The following RBFOX1 variants were observed in gnomAD, a reference collection of about 807,000 sequenced individuals.
RBFOX1 encodes RNA binding fox-1 homolog 1.
In RBFOX1, 8 loss-of-function variants were observed where a neutral mutation model predicts 57.7. The observed-to-expected ratio is 0.14, with a 90% CI of 0.08 to 0.25. The LOEUF (loss-of-function observed/expected upper bound fraction) is 0.25. Among genes scored for constraint, RBFOX1 ranks in the 10% least tolerant of loss-of-function variants. The pLI, the probability that RBFOX1 is intolerant of heterozygous loss-of-function variation, is 1.00. For missense variants in RBFOX1, 611 were observed against 548.5 expected (o/e 1.11, Z -1.14); for synonymous variants, 326 against 222.4 (o/e 1.47, Z -4.15).
At chr16:6,134,893 G>A (rs58219101) in intron 1 of RBFOX1, among the ~76,000 whole-genome samples, 1 of 151,724 alleles carries the variant, frequency 6.6e-6, no homozygotes, top group Non-Finnish European at 1.5e-5. Flanking sequence ...TATGCACAAC[G>A]TGCAGGGTTG....
intron 2 of RBFOX1, among the ~76,000 whole-genome samples, chr16:5,544,858 A>G (rs939340184): frequency 6.6e-6 from 1 of 151,636 alleles, no homozygotes; most frequent in African/African-American, 2.4e-5. Flanking sequence ...AGGTAACCGT[A>G]TTAACCCTAT....
chr16:6,460,838 A>AAAAAAAAAAAAG, intron 2 of RBFOX1, among the ~76,000 whole-genome samples: 1 of 151,966 alleles, frequency 6.6e-6, no homozygotes, highest in Non-Finnish European at 1.5e-5. Flanking sequence ...AAAAAAAAAA[A>AAAAAAAAAAAAG]AAAGTGGAAT....
At chr16:6,653,648 G>T (rs941047804) in intron 2 of RBFOX1, among the ~76,000 whole-genome samples, 6 of 151,486 alleles carry the variant, frequency 4.0e-5, no homozygotes, top group African/African-American at 1.5e-4. Context: ...TGAATGGATG[G>T]ATGGATGAAT....
rs140892341 is a variant in RBFOX1 at position 6,637,740 on chromosome 16, T to C, written c.-63-16863T>C. Reference sequence around the variant, plus strand: ...TACAGGGTCTAGAAGAATATTGTAATACATCTACATCTCTTCAAGAACACA... The same window carrying C: ...TACAGGGTCTAGAAGAATATTGTAACACATCTACATCTCTTCAAGAACACA... On this transcript the variant is annotated intron_variant, in intron 2 of 15. Coordinates refer to ENST00000550418, the MANE Select transcript of RBFOX1 (RefSeq NM_018723.4). 4.7e-3 allele frequency among the ~76,000 whole-genome samples: 718 copies of C among 151,700 alleles called. 10 individuals are homozygous for C. Among genetic ancestry groups the C allele is most frequent in the African/African-American group, 0.016 (651 of 41,366 alleles).
In RBFOX1 at chr16:6,380,535, AGTT is replaced by A. The variant is rs1432116942; in HGVS notation, c.-64+63479_-64+63481del. Among the ~76,000 whole-genome samples, 8 of 148,972 alleles carry A rather than the reference AGTT, an allele frequency of 5.4e-5. No homozygotes were observed. In the East Asian group the frequency reaches 1.6e-3, roughly 30 times the overall value. On this transcript the variant is annotated intron_variant, in intron 2 of 15. Transcript: ENST00000550418. ...CAGCACAGAAAGGAAGGTGAGTTGA[AGTT>A]CTGGGGGGAAAATAAATGGCAGGTA...
chr16:5,801,112 C>A (rs1056120839), intron 3 of RBFOX1, among the ~76,000 whole-genome samples: 1 of 152,162 alleles, frequency 6.6e-6, no homozygotes, highest in African/African-American at 2.4e-5. Flanking sequence ...GGAAGTGGAG[C>A]TGGAAGTTCC....
chr16:5,288,912 G>T, intron 1 of RBFOX1, among the ~76,000 whole-genome samples: 1 of 152,218 alleles, frequency 6.6e-6, no homozygotes, highest in East Asian at 1.9e-4. Flanking sequence ...GGGTCATGAG[G>T]TCAGGAGATT....
At chr16:6,617,796 G>A (rs527977934) in intron 2 of RBFOX1, among the ~76,000 whole-genome samples, 1 of 152,260 alleles carries the variant, frequency 6.6e-6, no homozygotes, top group East Asian at 1.9e-4. Flanking sequence ...ATAAAGTACA[G>A]CAATTTTCTT....
intron 3 of RBFOX1, among the ~76,000 whole-genome samples, chr16:5,650,626 TAGA>T (rs2049204216): frequency 6.6e-6 from 1 of 152,162 alleles, no homozygotes; most frequent in Non-Finnish European, 1.5e-5. Flanking sequence ...GCCAGCTGCT[TAGA>T]TAAACACCAG....
chr16:6,895,472 A>ATT (rs2066634132), intron 3 of RBFOX1, among the ~76,000 whole-genome samples: 1 of 114,882 alleles, frequency 8.7e-6, no homozygotes, highest in African/African-American at 3.6e-5. Flanking sequence ...ATATATATAT[A>ATT]TATATATATA....
chr16:5,570,506 G>A (rs80050900), intron 2 of RBFOX1, among the ~76,000 whole-genome samples: 2 of 152,264 alleles, frequency 1.3e-5, no homozygotes, highest in East Asian at 3.9e-4. Flanking sequence ...AGCTGGTCAG[G>A]TCAGGTCAGC....
At chr16:7,525,389 T>C (rs2078465394) in intron 5 of RBFOX1, among the ~76,000 whole-genome samples, 1 of 152,152 alleles carries the variant, frequency 6.6e-6, no homozygotes, top group African/African-American at 2.4e-5. Context: ...ATATTTACCA[T>C]CAGGCTACAG....
intron 4 of RBFOX1, among the ~76,000 whole-genome samples, chr16:7,313,837 A>G (rs28412543): frequency 0.12 from 17,657 of 152,128 alleles, 1,219 homozygotes; most frequent in Middle Eastern, 0.19. Context: ...TAGAACCACG[A>G]TTCTGCACCA....
At chr16:6,745,178 T>A (rs11864244) in intron 3 of RBFOX1, among the ~76,000 whole-genome samples, 13,374 of 152,098 alleles carry the variant, frequency 0.088, 726 homozygotes, top group East Asian at 0.15. Context: ...ATAAATTAAA[T>A]CTGGAGTTGA....
intron 3 of RBFOX1, among the ~76,000 whole-genome samples, chr16:5,720,875 C>A (rs1421623536): frequency 6.6e-6 from 1 of 152,150 alleles, no homozygotes; most frequent in Non-Finnish European, 1.5e-5. Context: ...GAGTCTCCAA[C>A]TTTGTTCTTA....
At chr16:6,175,828 A>T (rs184090023) in intron 1 of RBFOX1, among the ~76,000 whole-genome samples, 21 of 152,218 alleles carry the variant, frequency 1.4e-4, no homozygotes, top group African/African-American at 4.3e-4. Context: ...CCACACGGGG[A>T]CAATCAGAAA....
At chr16:5,532,958 G>A (rs1273312167) in intron 2 of RBFOX1, among the ~76,000 whole-genome samples, 2 of 152,154 alleles carry the variant, frequency 1.3e-5, no homozygotes, top group Non-Finnish European at 2.9e-5. Flanking sequence ...ACATCTTTAT[G>A]GTAATGCTGA....
chr16:5,407,798 C>T (rs982436604), intron 1 of RBFOX1, among the ~76,000 whole-genome samples: 1 of 152,168 alleles, frequency 6.6e-6, no homozygotes, highest in African/African-American at 2.4e-5. Flanking sequence ...ATCCAACTGC[C>T]CCGGCCTCCC....
chr16:5,412,153 G>T (rs564984489), intron 1 of RBFOX1, among the ~76,000 whole-genome samples: 4 of 151,824 alleles, frequency 2.6e-5, no homozygotes, highest in African/African-American at 9.7e-5. Flanking sequence ...AAACGCCCAG[G>T]TTCTGGACCC....
Sources: allele counts gnomAD v4.1 joint callset (sites outside exome capture counted in the v4.1 genomes callset), GRCh38; gene constraint gnomAD v4.1.1; transcripts MANE v1.5; gene names NCBI Gene and HGNC (gene_info 2026-07-23, HGNC 2026-07-21).